SPAG16: variants seen among roughly 807,000 people sequenced by gnomAD.
The protein encoded by SPAG16 is sperm-associated antigen 16 protein.
SPAG16 carries 86 observed loss-of-function variants against 80.4 expected under a neutral mutation model. The ratio of observed to expected loss-of-function variants is 1.07; its 90% confidence interval spans 0.90 to 1.28. The LOEUF (loss-of-function observed/expected upper bound fraction) is 1.28, where lower values mean the gene tolerates loss of function less well. SPAG16 is among the 50% of genes most tolerant of loss of function. The pLI is 0.00. For missense variants in SPAG16, 870 were observed against 765.3 expected, an observed-to-expected ratio of 1.14 and a Z score of -1.61; for synonymous variants, 294 against 265.9, an observed-to-expected ratio of 1.11 and a Z score of -1.03.
chr2:213,658,897 G>A (rs748093693), intron 10 of SPAG16, among the ~76,000 whole-genome samples: 9 of 152,116 alleles, frequency 5.9e-5, no homozygotes, highest in Non-Finnish European at 1.3e-4. Flanking sequence ...TTAGCTGGGC[G>A]TGATGGCTTG....
At chr2:213,352,137 T>A (rs1221316857) in intron 7 of SPAG16, among the ~76,000 whole-genome samples, 1 of 151,734 alleles carries the variant, frequency 6.6e-6, no homozygotes, top group Non-Finnish European at 1.5e-5. Flanking sequence ...ATGTGGAACT[T>A]GAGCCAATTA....
At chr2:214,163,641 G>T (rs1317091784) in intron 15 of SPAG16, among the ~76,000 whole-genome samples, 8 of 150,652 alleles carry the variant, frequency 5.3e-5, no homozygotes, top group Non-Finnish European at 1.2e-4. Context: ...TATATATAGA[G>T]AGAGAGAGAG....
intron 15 of SPAG16, among the ~76,000 whole-genome samples, chr2:214,319,655 G>A (rs1695963863): frequency 1.3e-5 from 2 of 152,110 alleles, no homozygotes; most frequent in Admixed American, 6.5e-5. Context: ...AGCATCAGTG[G>A]TTTTGTTTTC....
chr2:213,433,877 T>C (rs899303322), intron 9 of SPAG16, among the ~76,000 whole-genome samples: 6 of 151,490 alleles, frequency 4.0e-5, no homozygotes, highest in African/African-American at 1.5e-4. Context: ...CCAAACAGCA[T>C]TGGGAAAGGA....
At chr2:213,889,755 C>A (rs571892970) in intron 11 of SPAG16, among the ~76,000 whole-genome samples, 1 of 147,640 alleles carries the variant, frequency 6.8e-6, no homozygotes, top group African/African-American at 2.5e-5. Flanking sequence ...ATTTTTTAAC[C>A]GCCCACCTAT....
chr2:213,717,939 C>G, intron 10 of SPAG16, among the ~76,000 whole-genome samples: 1 of 152,082 alleles, frequency 6.6e-6, no homozygotes, highest in Non-Finnish European at 1.5e-5. Flanking sequence ...TAGGCATGGG[C>G]TTAGACTTCA....
intron 10 of SPAG16, among the ~76,000 whole-genome samples, chr2:213,704,877 G>A (rs1409313463): frequency 6.6e-6 from 1 of 152,132 alleles, no homozygotes; most frequent in Non-Finnish European, 1.5e-5. Context: ...TGCATAAAGT[G>A]GGGTAAGGGA....
At chr2:213,746,723 C>T (rs928945287) in intron 10 of SPAG16, among the ~76,000 whole-genome samples, 7 of 152,182 alleles carry the variant, frequency 4.6e-5, no homozygotes, top group Non-Finnish European at 1.5e-5. Flanking sequence ...AGGAGAATCA[C>T]TTGAACCCAG....
At chr2:213,452,574 G>T (rs562766825) in intron 9 of SPAG16, among the ~76,000 whole-genome samples, 1 of 152,274 alleles carries the variant, frequency 6.6e-6, no homozygotes, top group African/African-American at 2.4e-5. Context: ...ACCCACTCAG[G>T]AAACAGAGTG....
chr2:213,572,887 G>T (rs1398969597), intron 10 of SPAG16, among the ~76,000 whole-genome samples: 1 of 152,114 alleles, frequency 6.6e-6, no homozygotes, highest in Non-Finnish European at 1.5e-5. Context: ...AGCAATCAGT[G>T]AGACTCCGTG....
intron 10 of SPAG16, among the ~76,000 whole-genome samples, chr2:213,837,243 G>A (rs2074133736): frequency 6.6e-6 from 1 of 152,186 alleles, no homozygotes; most frequent in Non-Finnish European, 1.5e-5. Context: ...TCAGTGATGT[G>A]CTAGGGCACT....
chr2:213,761,211 G>A (rs1317500576), intron 10 of SPAG16, among the ~76,000 whole-genome samples: 1 of 152,110 alleles, frequency 6.6e-6, no homozygotes, highest in Non-Finnish European at 1.5e-5. Flanking sequence ...AGGGAAATTC[G>A]AAAATACTTG....
At chr2:213,478,767 G>A (rs1341959214) in intron 9 of SPAG16, among the ~76,000 whole-genome samples, 2 of 152,124 alleles carry the variant, frequency 1.3e-5, no homozygotes, top group Non-Finnish European at 1.5e-5. Flanking sequence ...TACTCTGTGA[G>A]TGGTGGGAGG....
rs185599477 is a variant in SPAG16, at chr2:213,743,894, T to G, written c.1071-118591T>G. 1.2e-4 allele frequency among the ~76,000 whole-genome samples: 19 copies of G among 152,346 alleles called. No individual in the cohort carries two copies. The East Asian group carries it at 3.3e-3, about 26-fold the overall frequency. On this transcript the variant is annotated intron_variant, in intron 10 of 15. Coordinates refer to ENST00000331683, the MANE Select transcript of SPAG16 (RefSeq NM_024532.5). ...GTGTTAGAACTCAATCTGTTCTTCATGTATTTTAACTTCCTTTTTAGATTT... is the reference window on the plus strand; with the variant it reads ...GTGTTAGAACTCAATCTGTTCTTCAGGTATTTTAACTTCCTTTTTAGATTT...
At chr2:214,085,138 C>T (rs552212757) in intron 13 of SPAG16, among the ~76,000 whole-genome samples, 10 of 151,934 alleles carry the variant, frequency 6.6e-5, no homozygotes, top group Admixed American at 2.0e-4. Flanking sequence ...GTCAAAGTTG[C>T]GTAAAGCCAT....
chr2:213,767,130 G>C (rs2068978556), intron 10 of SPAG16, among the ~76,000 whole-genome samples: 1 of 152,170 alleles, frequency 6.6e-6, no homozygotes, highest in African/African-American at 2.4e-5. Flanking sequence ...AAAGGAAAAG[G>C]TTCTCTTCGT....
At chr2:213,929,292 G>T (rs2078643903) in intron 11 of SPAG16, among the ~76,000 whole-genome samples, 1 of 151,962 alleles carries the variant, frequency 6.6e-6, no homozygotes, top group Non-Finnish European at 1.5e-5. Flanking sequence ...GGGATTACAG[G>T]TGTGAGCCAC....
chr2:213,520,860 A>G (rs2075634906), intron 10 of SPAG16, among the ~76,000 whole-genome samples: 1 of 152,190 alleles, frequency 6.6e-6, no homozygotes. Context: ...AGGTATATCT[A>G]TTAAAGATCA....
intron 9 of SPAG16, among the ~76,000 whole-genome samples, chr2:213,419,474 T>A (rs1575543187): frequency 6.6e-6 from 1 of 152,148 alleles, no homozygotes; most frequent in South Asian, 2.1e-4. Flanking sequence ...AAGAAGAAAT[T>A]ATTTATAGAA....
Sources: gnomAD v4.1 joint callset for allele counts (sites outside exome capture counted in the v4.1 genomes callset) on GRCh38, gnomAD v4.1.1 for gene constraint, MANE v1.5 for transcripts, NCBI Gene and HGNC (gene_info 2026-07-23, HGNC 2026-07-21) for gene names.